NPAS3: variants seen among roughly 807,000 people sequenced by gnomAD.
The protein encoded by NPAS3 is neuronal PAS domain-containing protein 3.
Under a neutral mutation model 73.1 loss-of-function variants are expected in NPAS3, and 14 were observed. That is an observed-to-expected ratio of 0.19 (90% CI 0.13 to 0.30). NPAS3 has a LOEUF of 0.30. NPAS3 is among the 10% of genes least tolerant of loss of function. The pLI, the probability that NPAS3 is intolerant of heterozygous loss-of-function variation, is 1.00. For synonymous variants in NPAS3, 620 were observed against 541.5 expected, an observed-to-expected ratio of 1.14 and a Z score of -2.01; for missense variants, 1,096 against 1,250.0, an observed-to-expected ratio of 0.88 and a Z score of 1.86.
At chr14:32,986,317 G>A (rs1421703668) in intron 1 of NPAS3, among the ~76,000 whole-genome samples, 1 of 152,202 alleles carries the variant, frequency 6.6e-6, no homozygotes, top group African/African-American at 2.4e-5. Context: ...TTTTAATGAG[G>A]AGAAAGGGAA....
intron 2 of NPAS3, among the ~76,000 whole-genome samples, chr14:33,096,643 A>G (rs7154828): frequency 0.011 from 1,611 of 152,290 alleles, 34 homozygotes; most frequent in African/African-American, 0.037. Flanking sequence ...GTGTGTTTCT[A>G]TGATTAAATT....
intron 4 of NPAS3, among the ~76,000 whole-genome samples, chr14:33,444,716 A>G (rs1566909237): frequency 2.6e-5 from 4 of 152,212 alleles, no homozygotes. Context: ...TTTATGCTTT[A>G]TATATTTATA....
chr14:33,757,823 C>A (rs1022783274), intron 7 of NPAS3, among the ~76,000 whole-genome samples: 30 of 152,260 alleles, frequency 2.0e-4, no homozygotes, highest in African/African-American at 6.7e-4. Context: ...CCTGAGTAAC[C>A]AGTTGGACAC....
chr14:33,442,674 T>G (rs1407664722), intron 4 of NPAS3, among the ~76,000 whole-genome samples: 1 of 152,238 alleles, frequency 6.6e-6, no homozygotes, highest in African/African-American at 2.4e-5. Context: ...TGCTTCCCAT[T>G]GTGCCATGAT....
At chr14:33,574,493 C>T (rs1226340026) in intron 5 of NPAS3, among the ~76,000 whole-genome samples, 1 of 152,130 alleles carries the variant, frequency 6.6e-6, no homozygotes, top group Non-Finnish European at 1.5e-5. Context: ...GGCCAAAATG[C>T]AGTGGCTTGC....
At chr14:33,285,926 C>T (rs189278513) in intron 3 of NPAS3, among the ~76,000 whole-genome samples, 106 of 152,290 alleles carry the variant, frequency 7.0e-4, no homozygotes, top group African/African-American at 1.3e-3. Flanking sequence ...GCCAGGAGCA[C>T]GAGCAGTGCC....
chr14:33,317,202 T>C (rs2043240742), intron 3 of NPAS3, among the ~76,000 whole-genome samples: 1 of 152,090 alleles, frequency 6.6e-6, no homozygotes, highest in African/African-American at 2.4e-5. Context: ...TCAGTGCTAT[T>C]AATGATTGAA....
At chr14:33,481,839 A>T (rs1167020661) in intron 4 of NPAS3, among the ~76,000 whole-genome samples, 1 of 152,152 alleles carries the variant, frequency 6.6e-6, no homozygotes, top group Non-Finnish European at 1.5e-5. Flanking sequence ...GGGGAGGACA[A>T]GGCTGTTTGT....
chr14:33,672,855 A>T (rs2059650732), intron 5 of NPAS3, among the ~76,000 whole-genome samples: 1 of 152,214 alleles, frequency 6.6e-6, no homozygotes, highest in African/African-American at 2.4e-5. Context: ...TTTTCCCATT[A>T]AATCAGGAGG....
chr14:33,044,859 C>T (rs1339898927), intron 1 of NPAS3, among the ~76,000 whole-genome samples: 2 of 152,094 alleles, frequency 1.3e-5, no homozygotes, highest in African/African-American at 4.8e-5. Flanking sequence ...AATACAGTAG[C>T]CACAGGAAGT....
chr14:33,198,525 G>A (rs548792227), intron 2 of NPAS3, among the ~76,000 whole-genome samples: 32 of 152,306 alleles, frequency 2.1e-4, no homozygotes, highest in Middle Eastern at 3.4e-3. Flanking sequence ...TGATTGGTGC[G>A]TTTGCAAACC....
chr14:33,506,153 A>G (rs1053337522), intron 4 of NPAS3, among the ~76,000 whole-genome samples: 1 of 151,922 alleles, frequency 6.6e-6, no homozygotes, highest in Non-Finnish European at 1.5e-5. Context: ...AATACTATAC[A>G]TTTATTTACT....
At chr14:33,108,605 A>G (rs1260517660) in intron 2 of NPAS3, among the ~76,000 whole-genome samples, 3 of 152,210 alleles carry the variant, frequency 2.0e-5, no homozygotes, top group Non-Finnish European at 4.4e-5. Flanking sequence ...TGACAAATCA[A>G]TATCAAAATG....
intron 3 of NPAS3, among the ~76,000 whole-genome samples, chr14:33,287,946 A>G (rs1220037538): frequency 6.6e-6 from 1 of 152,004 alleles, no homozygotes; most frequent in Non-Finnish European, 1.5e-5. Flanking sequence ...AACTTTGTGT[A>G]TGCAGTTTTT....
At chr14:33,027,789 AT>A (rs1319749691) in intron 1 of NPAS3, among the ~76,000 whole-genome samples, 1 of 152,170 alleles carries the variant, frequency 6.6e-6, no homozygotes, top group Non-Finnish European at 1.5e-5. Context: ...CAATATACAT[AT>A]TTTTAACAGT....
intron 2 of NPAS3, among the ~76,000 whole-genome samples, chr14:33,088,814 C>G (rs1430660990): frequency 2.0e-5 from 3 of 152,194 alleles, no homozygotes; most frequent in Admixed American, 2.0e-4. Flanking sequence ...CCGGTTACCC[C>G]TCTGAGACGA....
chr14:33,550,823 G>A (rs1050352233), intron 4 of NPAS3, among the ~76,000 whole-genome samples: 17 of 152,236 alleles, frequency 1.1e-4, no homozygotes, highest in East Asian at 5.8e-4. Context: ...GCCTCTAAGC[G>A]TCTGGAATTC....
At chr14:32,975,069 C>G (rs1361106789) in intron 1 of NPAS3, among the ~76,000 whole-genome samples, 1 of 152,052 alleles carries the variant, frequency 6.6e-6, no homozygotes, top group Non-Finnish European at 1.5e-5. Flanking sequence ...TTACAGAGTA[C>G]CATACTAGTG....
chr14:33,573,159 T>G (rs561210818), intron 5 of NPAS3, among the ~76,000 whole-genome samples: 1 of 151,568 alleles, frequency 6.6e-6, no homozygotes, highest in Non-Finnish European at 1.5e-5. Context: ...CAACATTCAA[T>G]AGTAGGGCCA....
Sources: allele counts gnomAD v4.1 joint callset (sites outside exome capture counted in the v4.1 genomes callset), GRCh38; gene constraint gnomAD v4.1.1; transcripts MANE v1.5; gene names NCBI Gene and HGNC (gene_info 2026-07-23, HGNC 2026-07-21).